Variants in NDUFS4 observed in about 807,000 individuals in gnomAD.
NDUFS4 encodes NADH dehydrogenase [ubiquinone] iron-sulfur protein 4, mitochondrial.
Under a neutral mutation model 24.3 loss-of-function variants are expected in NDUFS4, and 28 were observed. That is an observed-to-expected ratio of 1.15 (90% CI 0.85 to 1.58). NDUFS4 has a LOEUF of 1.58. Among genes scored for constraint, NDUFS4 ranks in the 40% most tolerant of loss-of-function variants. The probability of loss-of-function intolerance (pLI) is 0.00; values close to 1 mark genes in which losing one functional copy is unlikely to be tolerated. For synonymous variants in NDUFS4, 93 were observed against 69.7 expected, an observed-to-expected ratio of 1.34 and a Z score of -1.67; for missense variants, 223 against 207.9, an observed-to-expected ratio of 1.07 and a Z score of -0.45.
Position 53,560,712 on chromosome 5 carries a change from G to C in NDUFS4, c.50G>C (p.Arg17Thr), listed in dbSNP as rs538161240. The change falls in exon 1 of 5, where the codon AGA becomes ACA. Residue 17 changes from arginine to threonine, a missense_variant. Physicochemically the swap from Arg to Thr is moderately conservative, Grantham distance 71 (BLOSUM62 -1). Coordinates refer to ENST00000296684, the MANE Select transcript of NDUFS4 (RefSeq NM_002495.4). ...SVVLRQTLWR[R>T]RAVAVAALSV... The stretch of plus-strand genomic sequence containing the variant: ...GTACTGAGGCAGACGTTGTGGCGGA[G>C]AAGGGCAGTGGCTGTAGCTGCCCTT... 2 of 1,614,272 alleles carry C rather than the reference G, an allele frequency of 1.2e-6. No homozygotes were observed. The highest frequency in any genetic ancestry group is 3.3e-5 in the Admixed American group (2 of 60,034).
At chr5:53,560,860 C>G in intron 1 of NDUFS4, 100 bp downstream of exon 1, 1 of 1,581,104 alleles carries the variant, frequency 6.3e-7, no homozygotes, top group Non-Finnish European at 8.6e-7. Flanking sequence ...GGGAAGGCGT[C>G]CTCTGTTGAC....
At chr5:53,576,995 G>A (rs1374971772) in intron 1 of NDUFS4, among the ~76,000 whole-genome samples, 2 of 152,140 alleles carry the variant, frequency 1.3e-5, no homozygotes, top group Middle Eastern at 3.4e-3. Context: ...TCATTTCTCG[G>A]GGTTTGTGTA....
At chr5:53,632,312 T>C (rs963615968) in intron 2 of NDUFS4, among the ~76,000 whole-genome samples, 12 of 152,214 alleles carry the variant, frequency 7.9e-5, no homozygotes, top group African/African-American at 2.9e-4. Context: ...ATCCTTTTAG[T>C]GATTGATATT....
intron 3 of NDUFS4, among the ~76,000 whole-genome samples, chr5:53,647,636 A>G (rs1361216900): frequency 6.6e-6 from 1 of 152,214 alleles, no homozygotes; most frequent in Non-Finnish European, 1.5e-5. Context: ...GATTCTAGTT[A>G]AATTTAAAAA....
At chr5:53,641,037 A>T (rs1156465043) in intron 2 of NDUFS4, among the ~76,000 whole-genome samples, 1 of 152,168 alleles carries the variant, frequency 6.6e-6, no homozygotes, top group Non-Finnish European at 1.5e-5. Flanking sequence ...GAGGACAGAG[A>T]TCATGTTTTC....
At chr5:53,605,010 A>T in intron 2 of NDUFS4, 1 of 387,786 alleles carries the variant, frequency 2.6e-6, no homozygotes, top group South Asian at 1.9e-5. Context: ...TCACGAGGTC[A>T]GGAGTTCGTG....
chr5:53,625,052 C>A (rs530482067), intron 2 of NDUFS4, among the ~76,000 whole-genome samples: 1 of 152,074 alleles, frequency 6.6e-6, no homozygotes, highest in African/African-American at 2.4e-5. Flanking sequence ...CTCAAGAGAT[C>A]CTCCCACCTC....
rs1225104786 is a variant in NDUFS4 at position 53,646,319 on chromosome 5, G to A, written c.264G>A (p.Gln88=). The A allele has an allele frequency of 6.2e-7, 1 of 1,613,756 alleles. No individual in the cohort carries two copies. Among genetic ancestry groups the A allele is most frequent in the Admixed American group, 1.7e-5 (1 of 60,000 alleles). ...TTGTTCCTGCTCGCAATAACATGCAGTCTGGAGTAAACAACACAAAGAAAT... is the reference window on the plus strand; with the variant it reads ...TTGTTCCTGCTCGCAATAACATGCAATCTGGAGTAAACAACACAAAGAAAT... The part of the protein sequence containing the change: ...RIFVPARNNM[Q]SGVNNTKKWK... The change falls in exon 3 of 5, where the codon CAG becomes CAA. Residue 88 remains glutamine, a synonymous_variant. Coordinates refer to ENST00000296684, the MANE Select transcript of NDUFS4 (RefSeq NM_002495.4).
chr5:53,663,030 C>T (rs961221739), intron 4 of NDUFS4, among the ~76,000 whole-genome samples: 1 of 151,864 alleles, frequency 6.6e-6, no homozygotes, highest in African/African-American at 2.4e-5. Flanking sequence ...TGTCTTTGTT[C>T]TCGTTGGTTT....
chr5:53,680,995 G>A (rs2637030), intron 4 of NDUFS4, among the ~76,000 whole-genome samples: 104,814 of 151,894 alleles, frequency 0.69, 36,675 homozygotes, highest in African/African-American at 0.79. Context: ...CCCATCTAAA[G>A]TGTTTTCTCC....
intron 4 of NDUFS4, among the ~76,000 whole-genome samples, chr5:53,676,129 A>C (rs1011112719): frequency 6.6e-6 from 1 of 152,232 alleles, no homozygotes; most frequent in African/African-American, 2.4e-5. Flanking sequence ...AGGACAAGTC[A>C]AACAGCACAG....
rs2290697 is a variant in NDUFS4, at chr5:53,682,892, C to T, written c.425-226C>T. Among the ~76,000 whole-genome samples the T allele has an allele frequency of 0.42, 64,202 of 151,874 alleles. 14,412 individuals are homozygous for T. Among genetic ancestry groups the T allele is most frequent in the Admixed American group, 0.5 (7,644 of 15,216 alleles). On this transcript the variant is annotated intron_variant, in intron 4 of 4. Coordinates refer to ENST00000296684, the MANE Select transcript of NDUFS4 (RefSeq NM_002495.4). ...GAATCATAGTTTACATCTTTAACAA[C>T]TTGAGATATGGTAAATAATCTGCAG...
At chr5:53,654,339 A>C (rs1227140945) in intron 3 of NDUFS4, among the ~76,000 whole-genome samples, 2 of 152,086 alleles carry the variant, frequency 1.3e-5, no homozygotes, top group African/African-American at 4.8e-5. Context: ...TGTATTTGTT[A>C]ATATGTATTT....
chr5:53,614,168 G>A (rs1468001467), intron 2 of NDUFS4, among the ~76,000 whole-genome samples: 1 of 151,826 alleles, frequency 6.6e-6, no homozygotes, highest in African/African-American at 2.4e-5. Context: ...ATTTAACTAT[G>A]ATGATCATTA....
intron 1 of NDUFS4, among the ~76,000 whole-genome samples, chr5:53,599,381 A>G (rs1579855499): frequency 6.6e-6 from 1 of 152,128 alleles, no homozygotes; most frequent in Non-Finnish European, 1.5e-5. Flanking sequence ...TTACATTCCC[A>G]TAAGGGTACC....
chr5:53,629,044 C>G (rs1198794680), intron 2 of NDUFS4, among the ~76,000 whole-genome samples: 1 of 152,150 alleles, frequency 6.6e-6, no homozygotes, highest in Non-Finnish European at 1.5e-5. Context: ...CTACACACTG[C>G]TTTAAATGTG....
intron 1 of NDUFS4, among the ~76,000 whole-genome samples, chr5:53,594,112 C>T (rs1750059002): frequency 6.6e-6 from 1 of 152,152 alleles, no homozygotes; most frequent in Non-Finnish European, 1.5e-5. Context: ...ACTCTGTCTA[C>T]TGGCTCTGTC....
rs1438413688 is a variant in NDUFS4 at position 53,659,770 on chromosome 5, A to ATTTGCT, written c.424+1150_424+1155dup. On this transcript the variant is annotated intron_variant, in intron 4 of 4. Coordinates refer to ENST00000296684, the MANE Select transcript of NDUFS4 (RefSeq NM_002495.4). Reference sequence around the variant, plus strand: ...CACTATAAAGGTTATAATCTAACATATTTGCTTTTCTTTTTCACCTAGTAT... The same window carrying ATTTGCT: ...CACTATAAAGGTTATAATCTAACATATTTGCTTTTGCTTTTCTTTTTCACCTAGTAT... 4.6e-5 allele frequency among the ~76,000 whole-genome samples: 7 copies of ATTTGCT among 152,238 alleles called. No homozygotes were observed. In the East Asian group the frequency reaches 1.4e-3, roughly 29 times the overall value.
At chr5:53,679,900 A>G (rs445347) in intron 4 of NDUFS4, among the ~76,000 whole-genome samples, 31,096 of 151,898 alleles carry the variant, frequency 0.2, 3,698 homozygotes, top group East Asian at 0.46. Context: ...CACATACAGA[A>G]TCTACACTAG....
Sources: gnomAD v4.1 joint callset for allele counts (sites outside exome capture counted in the v4.1 genomes callset) on GRCh38, gnomAD v4.1.1 for gene constraint, MANE v1.5 for transcripts, NCBI Gene and HGNC (gene_info 2026-07-23, HGNC 2026-07-21) for gene names.